Variants in MYH15 observed in about 807,000 individuals in gnomAD.
The protein encoded by MYH15 is myosin heavy chain 15.
MYH15 carries 227 observed loss-of-function variants against 240.5 expected under a neutral mutation model. The observed-to-expected ratio is 0.94, with a 90% CI of 0.85 to 1.05. The LOEUF is 1.05. Ranked by LOEUF, MYH15 falls within the 50% of genes least tolerant of loss-of-function variation. MYH15 has a pLI of 0.00. For synonymous variants in MYH15, 785 were observed against 796.7 expected, an observed-to-expected ratio of 0.99 and a Z score of 0.25; for missense variants, 2,217 against 2,247.5, an observed-to-expected ratio of 0.99 and a Z score of 0.27.
At chr3:108,408,611 T>C (rs2082564371) in intron 31 of MYH15, among the ~76,000 whole-genome samples, 2 of 152,160 alleles carry the variant, frequency 1.3e-5, no homozygotes, top group Non-Finnish European at 2.9e-5. Flanking sequence ...AAATTGAAAA[T>C]TGTCTACAAC....
intron 6 of MYH15, among the ~76,000 whole-genome samples, chr3:108,497,157 TAAAAAAAAAAAAAAAAA>T (rs5851595): frequency 1.0e-4 from 3 of 28,742 alleles, no homozygotes; most frequent in African/African-American, 4.6e-4. Flanking sequence ...CGAGACTCCG[TAAAAAAAAAAAAAAAAA>T]AAAAAAAAAA....
At chr3:108,390,688 TCTTA>T (rs1174399248) in intron 37 of MYH15, among the ~76,000 whole-genome samples, 5 of 152,236 alleles carry the variant, frequency 3.3e-5, no homozygotes, top group African/African-American at 1.2e-4. Flanking sequence ...TGAGAATAAT[TCTTA>T]CTTGTGTATG....
chr3:108,533,637 G>C (rs2083726945), upstream of MYH15, among the ~76,000 whole-genome samples: 1 of 152,074 alleles, frequency 6.6e-6, no homozygotes, highest in Non-Finnish European at 1.5e-5. Flanking sequence ...GGAGGGAGTT[G>C]GGACTATATT....
chr3:108,453,212 C>T (rs1346345595), intron 21 of MYH15, among the ~76,000 whole-genome samples: 1 of 152,142 alleles, frequency 6.6e-6, no homozygotes, highest in Non-Finnish European at 1.5e-5. Context: ...CCCCAAACTC[C>T]CATACCACAT....
Position 108,421,201 on chromosome 3 carries a change from TTC to T in MYH15, c.3714_3715del (p.Lys1239ThrfsTer6). The T allele has an allele frequency of 6.2e-7, 1 of 1,612,610 alleles. No homozygotes were observed. Among genetic ancestry groups the T allele is most frequent in the Non-Finnish European group, 8.5e-7 (1 of 1,179,786 alleles). On this transcript the variant is annotated frameshift_variant, in exon 28 of 41. Transcript: ENST00000693548. LOFTEE classifies it high-confidence loss of function. ...GCGCTCTTCATATAGAGTACAGAGTTTCTCAGCATTTGCCTATAAGTTGAGAA... is the reference window on the plus strand; with the variant it reads ...GCGCTCTTCATATAGAGTACAGAGTTTCAGCATTTGCCTATAAGTTGAGAA...
Position 108,455,870 on chromosome 3 carries a change from A to G in MYH15, c.2139-11T>C, listed in dbSNP as rs1183135305. On this transcript the variant is annotated splice_polypyrimidine_tract_variant and intron_variant, in intron 19 of 40. Transcript: ENST00000693548. ...TTCAGAATGCAGTACCTAATTTAAA[A>G]TAAAGAAAAAATCATGAGTTTGGGA... is the stretch of plus-strand genomic sequence containing the variant. The G allele has an allele frequency of 6.2e-7, 1 of 1,607,570 alleles. No homozygotes were observed. The highest frequency in any genetic ancestry group is 1.1e-5 in the South Asian group (1 of 90,868).
At chr3:108,403,711 A>G (rs1382161447) in intron 33 of MYH15, among the ~76,000 whole-genome samples, 2 of 152,192 alleles carry the variant, frequency 1.3e-5, no homozygotes, top group Non-Finnish European at 2.9e-5. Context: ...ATCATTAACT[A>G]AAATTTATGA....
chr3:108,398,249 A>G (rs918225299), intron 35 of MYH15, among the ~76,000 whole-genome samples: 1 of 152,240 alleles, frequency 6.6e-6, no homozygotes, highest in Non-Finnish European at 1.5e-5. Flanking sequence ...GTGAAGGCGG[A>G]AGGTTAGAGT....
At chr3:108,442,725 A>G (rs2107569994) in intron 22 of MYH15, among the ~76,000 whole-genome samples, 1 of 151,676 alleles carries the variant, frequency 6.6e-6, no homozygotes, top group East Asian at 1.9e-4. Context: ...GGGGTCACTC[A>G]GTTCTGCTGG....
At position 108,464,780 on chromosome 3, in the gene MYH15, C is replaced by T; in HGVS notation, c.1589G>A (p.Cys530Tyr). 6.2e-7 allele frequency: 1 copy of T among 1,612,000 alleles called. No individual in the cohort carries two copies. Among genetic ancestry groups the T allele is most frequent in the Non-Finnish European group, 8.5e-7 (1 of 1,179,300 alleles). The change falls in exon 15 of 41, where the codon TGT (cysteine) becomes TAT (tyrosine). Residue 530 changes from cysteine (C) to tyrosine (Y), a missense_variant. Physicochemically the swap from Cys to Tyr is radical, Grantham distance 194 (BLOSUM62 -2). Coordinates refer to ENST00000693548, the MANE Select transcript of MYH15 (RefSeq NM_014981.3). ...CAGGTCTGTAGCCTTAGGAAACATA[C>T]ACTCTTCTTCAAGGATGGAAAGGAT... The part of the protein sequence containing the change: ...MGILSILEEE[C>Y]MFPKATDLTF...
At chr3:108,444,976 C>A in intron 21 of MYH15, 81 bp from the exon 22 acceptor site, 1 of 1,435,622 alleles carries the variant, frequency 7.0e-7, no homozygotes, top group Non-Finnish European at 9.3e-7. Flanking sequence ...CCTCAATAAA[C>A]ACATATTTTT....
In MYH15 at chr3:108,453,541, C is replaced by T. The variant is rs540827732; in HGVS notation, c.2399+465G>A. Among the ~76,000 whole-genome samples the T allele has an allele frequency of 1.6e-3, 236 of 152,234 alleles. 3 individuals carry two copies. Among genetic ancestry groups the T allele is most frequent in the Non-Finnish European group, 2.6e-3 (179 of 68,020 alleles). ...CATGGTGATAAATGTCCCTAGTGAACCTGTCTGAAATAAAGTAAGAAAGTT... is the reference window on the plus strand; with the variant it reads ...CATGGTGATAAATGTCCCTAGTGAATCTGTCTGAAATAAAGTAAGAAAGTT... On this transcript the variant is annotated intron_variant, in intron 21 of 40. Transcript: ENST00000693548.
chr3:108,452,908 G>A (rs1576242298), intron 21 of MYH15, among the ~76,000 whole-genome samples: 1 of 152,224 alleles, frequency 6.6e-6, no homozygotes, highest in Middle Eastern at 3.4e-3. Flanking sequence ...GTTGAGCCCA[G>A]GAGTTCGAGA....
At chr3:108,459,139 T>G (rs2083049652) in intron 18 of MYH15, among the ~76,000 whole-genome samples, 1 of 152,232 alleles carries the variant, frequency 6.6e-6, no homozygotes, top group Admixed American at 6.5e-5. Context: ...AACATTCTAA[T>G]GTTGCCCAAT....
chr3:108,452,838 C>G (rs1204525909), intron 21 of MYH15, among the ~76,000 whole-genome samples: 4 of 151,944 alleles, frequency 2.6e-5, no homozygotes. Flanking sequence ...ATTGAGTTGG[C>G]TGGGTGCCAT....
chr3:108,423,034 TTGAA>T lies in MYH15; in HGVS notation c.3703-1824_3703-1821del, dbSNP rs1560345984. Among the ~76,000 whole-genome samples the T allele has an allele frequency of 1.3e-5, 2 of 152,100 alleles. 1 individual carries two copies. The highest frequency in any genetic ancestry group is 3.9e-4 in the East Asian group (2 of 5,180). On this transcript the variant is annotated intron_variant, in intron 27 of 40. Transcript: ENST00000693548. ...ACAAAAAATCAGGCTCACAGACAAT[TTGAA>T]TGGTGAGTAAGACAGGGTTTGATTA...
intron 22 of MYH15, among the ~76,000 whole-genome samples, chr3:108,442,872 T>C (rs2082895919): frequency 6.6e-6 from 1 of 151,806 alleles, no homozygotes; most frequent in East Asian, 1.9e-4. Context: ...CTCTGTCAAC[T>C]TCTTAATCAC....
At chr3:108,492,120 A>G (rs2083352801) in intron 9 of MYH15, among the ~76,000 whole-genome samples, 2 of 151,716 alleles carry the variant, frequency 1.3e-5, no homozygotes, top group Admixed American at 1.3e-4. Context: ...ACCACCACAC[A>G]CTATGATGCT....
chr3:108,496,124 G>T (rs2083387391), intron 6 of MYH15, among the ~76,000 whole-genome samples: 1 of 152,124 alleles, frequency 6.6e-6, no homozygotes, highest in Non-Finnish European at 1.5e-5. Context: ...TTTTTGGTTG[G>T]CATTGGCCTG....
Sources: gnomAD v4.1 joint callset for allele counts (sites outside exome capture counted in the v4.1 genomes callset) on GRCh38, gnomAD v4.1.1 for gene constraint, MANE v1.5 for transcripts, NCBI Gene and HGNC (gene_info 2026-07-23, HGNC 2026-07-21) for gene names.